Variants in CDK14 observed in about 807,000 individuals in gnomAD.
The protein encoded by CDK14 is cyclin-dependent kinase 14.
A neutral mutation model predicts 60.7 loss-of-function variants in CDK14; 34 were observed. That is an observed-to-expected ratio of 0.56 (90% confidence interval 0.43 to 0.75). The LOEUF (loss-of-function observed/expected upper bound fraction) is 0.75, where lower values mean the gene tolerates loss of function less well. Among genes scored for constraint, CDK14 ranks in the 30% least tolerant of loss-of-function variants. The probability of loss-of-function intolerance (pLI) is 0.00; values close to 1 mark genes in which losing one functional copy is unlikely to be tolerated. For synonymous variants in CDK14, 197 were observed against 203.7 expected, an observed-to-expected ratio of 0.97 and a Z score of 0.28; for missense variants, 482 against 564.1, an observed-to-expected ratio of 0.85 and a Z score of 1.47.
intron 2 of CDK14, among the ~76,000 whole-genome samples, chr7:90,637,399 A>T (rs1261661883): frequency 6.6e-6 from 1 of 152,122 alleles, no homozygotes; most frequent in African/African-American, 2.4e-5. Flanking sequence ...TGTACCCTGT[A>T]GTCATTCAGG....
In CDK14 at chr7:91,158,057, ATATAT is replaced by A. The variant is rs200808472; in HGVS notation, c.*28+39860_*28+39864del. Among the ~76,000 whole-genome samples the A allele has an allele frequency of 4.4e-3, 656 of 147,642 alleles. 4 individuals carry two copies. The highest frequency in any genetic ancestry group is 0.015 in the African/African-American group (619 of 40,760). ...CCATTTGCCAAACATTTTTTATATA[ATATAT>A]TATATTATATACATTAATTATATAC... On this transcript the variant is annotated intron_variant, in intron 14 of 14. Transcript: ENST00000380050.
At chr7:90,843,927 T>C (rs1008929072) in intron 5 of CDK14, among the ~76,000 whole-genome samples, 1 of 152,198 alleles carries the variant, frequency 6.6e-6, no homozygotes, top group Non-Finnish European at 1.5e-5. Flanking sequence ...AACTTCCATT[T>C]ATATAGCATC....
chr7:90,842,207 A>C (rs1315849484), intron 5 of CDK14, among the ~76,000 whole-genome samples: 1 of 152,206 alleles, frequency 6.6e-6, no homozygotes, highest in Non-Finnish European at 1.5e-5. Context: ...TTTTCTTACA[A>C]GATGCTATTT....
intron 2 of CDK14, among the ~76,000 whole-genome samples, chr7:90,614,343 A>G (rs1799608014): frequency 6.6e-6 from 1 of 152,154 alleles, no homozygotes; most frequent in African/African-American, 2.4e-5. Context: ...TTCTTGTCAT[A>G]AAACTTATAA....
At chr7:90,807,312 T>C (rs1788891225) in intron 5 of CDK14, among the ~76,000 whole-genome samples, 1 of 152,170 alleles carries the variant, frequency 6.6e-6, no homozygotes, top group Admixed American at 6.5e-5. Flanking sequence ...TGTTCACCAA[T>C]ACCTGCTGTT....
intron 2 of CDK14, among the ~76,000 whole-genome samples, chr7:90,656,590 G>A (rs1371584611): frequency 6.6e-6 from 1 of 152,066 alleles, no homozygotes; most frequent in African/African-American, 2.4e-5. Flanking sequence ...ATATTGGCCA[G>A]GCTGGTCTTG....
At chr7:91,154,174 T>C (rs1353329788) in intron 14 of CDK14, among the ~76,000 whole-genome samples, 3 of 152,108 alleles carry the variant, frequency 2.0e-5, no homozygotes, top group African/African-American at 7.2e-5. Flanking sequence ...TTTGCTTTTT[T>C]TTTTTAAACA....
At chr7:91,191,646 G>C (rs2063389) in intron 14 of CDK14, among the ~76,000 whole-genome samples, 1 of 151,698 alleles carries the variant, frequency 6.6e-6, no homozygotes, top group Non-Finnish European at 1.5e-5. Flanking sequence ...TTATGTTTGC[G>C]TGTATGTGAG....
intron 14 of CDK14, among the ~76,000 whole-genome samples, chr7:91,194,259 A>G (rs1165575813): frequency 6.6e-6 from 1 of 152,250 alleles, no homozygotes; most frequent in African/African-American, 2.4e-5. Context: ...TGAAAATTAT[A>G]TAAATTCTAG....
intron 10 of CDK14, among the ~76,000 whole-genome samples, chr7:91,033,240 G>C (rs980976349): frequency 6.6e-6 from 1 of 152,174 alleles, no homozygotes; most frequent in African/African-American, 2.4e-5. Flanking sequence ...GTGCCTAGAG[G>C]TGAGCTGTGA....
chr7:91,176,832 A>G (rs1003514382), intron 14 of CDK14, among the ~76,000 whole-genome samples: 6 of 152,088 alleles, frequency 3.9e-5, no homozygotes, highest in African/African-American at 1.4e-4. Flanking sequence ...TTACCAACCA[A>G]AAAGGGTCCA....
intron 2 of CDK14, among the ~76,000 whole-genome samples, chr7:90,725,148 T>G (rs527961791): frequency 1.6e-4 from 24 of 152,332 alleles, no homozygotes; most frequent in African/African-American, 5.3e-4. Flanking sequence ...TTATTTTAAT[T>G]ATACATGCTT....
chr7:91,059,320 G>A (rs1297082814), intron 11 of CDK14, among the ~76,000 whole-genome samples: 26 of 151,406 alleles, frequency 1.7e-4, no homozygotes, highest in African/African-American at 2.9e-4. Context: ...TCTTGCTAGC[G>A]GTCTATCAAT....
At chr7:90,802,828 G>C (rs1788691501) in intron 5 of CDK14, among the ~76,000 whole-genome samples, 1 of 152,170 alleles carries the variant, frequency 6.6e-6, no homozygotes, top group Non-Finnish European at 1.5e-5. Flanking sequence ...TGTGAACTCA[G>C]AGAAATCTCC....
intron 2 of CDK14, among the ~76,000 whole-genome samples, chr7:90,606,302 C>T (rs955182363): frequency 2.6e-5 from 4 of 152,136 alleles, no homozygotes; most frequent in African/African-American, 7.2e-5. Context: ...TCTGTTTGGG[C>T]ATTTGACTTA....
chr7:91,163,675 C>T (rs1584149693), intron 14 of CDK14, among the ~76,000 whole-genome samples: 1 of 151,990 alleles, frequency 6.6e-6, no homozygotes, highest in Admixed American at 6.5e-5. Context: ...CTGTAGTCAC[C>T]CTACTTGTGC....
intron 12 of CDK14, among the ~76,000 whole-genome samples, chr7:91,110,569 T>C (rs1389126251): frequency 6.6e-6 from 1 of 152,228 alleles, no homozygotes; most frequent in African/African-American, 2.4e-5. Context: ...TCATGTTTTT[T>C]ATACTCTTGA....
intron 14 of CDK14, among the ~76,000 whole-genome samples, chr7:91,122,398 AT>A (rs1368829668): frequency 1.3e-5 from 2 of 152,150 alleles, no homozygotes; most frequent in African/African-American, 2.4e-5. Flanking sequence ...TGAGATAAAG[AT>A]TTTTTTAGAA....
intron 4 of CDK14, among the ~76,000 whole-genome samples, chr7:90,771,606 T>C (rs569161261): frequency 6.6e-6 from 1 of 152,286 alleles, no homozygotes; most frequent in South Asian, 2.1e-4. Context: ...TATGTGCTGA[T>C]TGGTTTATGG....
Sources: gnomAD v4.1 joint callset for allele counts (sites outside exome capture counted in the v4.1 genomes callset) on GRCh38, gnomAD v4.1.1 for gene constraint, MANE v1.5 for transcripts, NCBI Gene and HGNC (gene_info 2026-07-23, HGNC 2026-07-21) for gene names.